OR1A1: variants seen among roughly 807,000 people sequenced by gnomAD.
OR1A1 encodes the protein olfactory receptor 1A1.
For synonymous variants in OR1A1, 145 were observed against 147.8 expected, an observed-to-expected ratio of 0.98 and a Z score of 0.13; for missense variants, 391 against 379.9, an observed-to-expected ratio of 1.03 and a Z score of -0.24.
At chr17:3,209,649 C>A (rs957647792) in intron 2 of OR1A1, among the ~76,000 whole-genome samples, 1 of 152,046 alleles carries the variant, frequency 6.6e-6, no homozygotes, top group Non-Finnish European at 1.5e-5. Flanking sequence ...TGGCACACAC[C>A]TGTAGTCCCA....
rs1597294320 is a variant in OR1A1, at chr17:3,217,482, C to T, written c.*932C>T. 1 of 152,180 alleles carries T rather than the reference C, an allele frequency of 6.6e-6. No individual in the cohort carries two copies. Among genetic ancestry groups the T allele is most frequent in the East Asian group, 1.9e-4 (1 of 5,178 alleles). 9.4% of individuals were successfully genotyped at this position (152,180 alleles called of 1,614,324 possible). ...CCCGTATATCCAAGACAATCATAAG[C>T]AAAAAGAACAAAGCTACAGGCATCA... On this transcript the variant is annotated 3_prime_UTR_variant, in exon 4 of 4. Transcript: ENST00000641732.
At chr17:3,211,604 G>C (rs1162142179) in intron 2 of OR1A1, among the ~76,000 whole-genome samples, 1 of 152,132 alleles carries the variant, frequency 6.6e-6, no homozygotes, top group African/African-American at 2.4e-5. Context: ...CCAAAGTGCT[G>C]GGATTACAGA....
rs1272659209 is a variant in OR1A1, at chr17:3,207,707, C to T, written c.-850C>T. 1 of 152,280 alleles carries T rather than the reference C, an allele frequency of 6.6e-6. No individual in the cohort carries two copies. Among genetic ancestry groups the T allele is most frequent in the Non-Finnish European group, 1.5e-5 (1 of 68,082 alleles). The allele number at this position is 152,280 out of a possible 1,614,324, so 9.4% of individuals were successfully genotyped here. ...CTCCCCTGTTGGGAAACTGGGGACT[C>T]CTCCTTCTAAACCATCCCATTCCTG... On this transcript the variant is annotated 5_prime_UTR_variant, in exon 1 of 4. Coordinates refer to ENST00000641732, the MANE Select transcript of OR1A1 (RefSeq NM_014565.3).
chr17:3,209,906 C>T (rs1415022243), intron 2 of OR1A1, among the ~76,000 whole-genome samples: 1 of 150,154 alleles, frequency 6.7e-6, no homozygotes, highest in Non-Finnish European at 1.5e-5. Flanking sequence ...ACACTTTTAC[C>T]ACATACAAAC....
rs745384652 is a variant in OR1A1 at position 3,216,203 on chromosome 17, C to A, written c.583C>A (p.His195Asn). The A allele has an allele frequency of 2.5e-6, 4 of 1,614,160 alleles. No homozygotes were observed. Among genetic ancestry groups the A allele is most frequent in the Non-Finnish European group, 3.4e-6 (4 of 1,180,030 alleles). ...LKLSCSDIHF[H>N]VKMMYLGVGI... ...GTTATCCTGTTCTGACATCCACTTT[C>A]ATGTGAAGATGATGTACCTAGGGGT... The change falls in exon 4 of 4, where the codon CAT (histidine) becomes AAT (asparagine). Residue 195 changes from histidine (H) to asparagine (N), a missense_variant. By Grantham distance (68) the His-to-Asn change is moderately conservative. Coordinates refer to ENST00000641732, the MANE Select transcript of OR1A1 (RefSeq NM_014565.3).
intron 2 of OR1A1, among the ~76,000 whole-genome samples, chr17:3,210,045 G>T (rs972493572): frequency 6.8e-5 from 10 of 147,276 alleles, no homozygotes. Context: ...TTTAACTATT[G>T]CATAGGATTC....
chr17:3,208,164 GATAGAGATATAT>G (rs1352983814), intron 1 of OR1A1, among the ~76,000 whole-genome samples, 164 bp downstream of exon 1: 3 of 138,884 alleles, frequency 2.2e-5, no homozygotes, highest in African/African-American at 7.5e-5. Flanking sequence ...TAGAGATAGA[GATAGAGATATAT>G]ATATAGAGAG....
Position 3,216,082 on chromosome 17 carries a change from C to G in OR1A1, c.462C>G (p.Ala154=), listed in dbSNP as rs764783487. 1.9e-6 allele frequency: 3 copies of G among 1,614,130 alleles called. No homozygotes were observed. The highest frequency in any genetic ancestry group is 2.5e-6 in the Non-Finnish European group (3 of 1,180,004). ...LIAGSWVIGN[A]NALPHTLLTA... ...CTGGGTCTTGGGTGATTGGAAATGC[C>G]AATGCCCTCCCCCACACTCTGCTCA... The change falls in exon 4 of 4, where the codon GCC becomes GCG. Residue 154 remains alanine (A), a synonymous_variant. Transcript: ENST00000641732.
chr17:3,212,174 G>GT (rs985052966), intron 2 of OR1A1, among the ~76,000 whole-genome samples: 4 of 152,096 alleles, frequency 2.6e-5, no homozygotes, highest in Non-Finnish European at 5.9e-5. Flanking sequence ...CACTTCAAGG[G>GT]TTTTTTAACA....
At chr17:3,213,058 G>A (rs1567524933) in intron 3 of OR1A1, 2 of 152,366 alleles carry the variant, frequency 1.3e-5, no homozygotes, top group Non-Finnish European at 2.9e-5. Flanking sequence ...TATGCAGGTA[G>A]GTTCTCCGTC....
chr17:3,208,182 G>T (rs56786454), intron 1 of OR1A1, among the ~76,000 whole-genome samples, 182 bp downstream of exon 1: 22,974 of 148,914 alleles, frequency 0.15, 1,757 homozygotes, highest in African/African-American at 0.16. Flanking sequence ...TATATATATA[G>T]AGAGAGAGAG....
At chr17:3,209,239 G>A (rs1248458652) in intron 2 of OR1A1, among the ~76,000 whole-genome samples, 1 of 151,722 alleles carries the variant, frequency 6.6e-6, no homozygotes, top group Non-Finnish European at 1.5e-5. Flanking sequence ...TTATGCCTTT[G>A]CATCCTCATA....
chr17:3,211,501 A>G (rs1299944945), intron 2 of OR1A1, among the ~76,000 whole-genome samples: 1 of 151,956 alleles, frequency 6.6e-6, no homozygotes. Context: ...ACGCCCAGCT[A>G]ATTTTTGTAT....
chr17:3,208,211 AGG>A (rs1424435238), intron 1 of OR1A1, among the ~76,000 whole-genome samples: 8 of 151,920 alleles, frequency 5.3e-5, no homozygotes. Context: ...GAGGAGGAGG[AGG>A]AGGACCCTCC....
At chr17:3,215,454 C>G (rs1341486778) in intron 3 of OR1A1, among the ~76,000 whole-genome samples, 162 bp from the exon 4 acceptor site, 2 of 152,130 alleles carry the variant, frequency 1.3e-5, no homozygotes, top group African/African-American at 2.4e-5. Context: ...TCCTATTGAC[C>G]TACAGGGATG....
chr17:3,210,593 C>CT (rs1174602077), intron 2 of OR1A1, among the ~76,000 whole-genome samples: 2 of 151,948 alleles, frequency 1.3e-5, no homozygotes, highest in Admixed American at 1.3e-4. Context: ...ATTGCTGGTC[C>CT]TTTTTTTGTT....
intron 3 of OR1A1, chr17:3,214,034 A>G (rs2048454985): frequency 6.6e-6 from 1 of 152,216 alleles, no homozygotes; most frequent in Admixed American, 6.5e-5. Flanking sequence ...TTTAGTAGAA[A>G]GGCTGAATTA....
intron 3 of OR1A1, chr17:3,215,245 T>G (rs111228488): frequency 2.6e-5 from 5 of 191,968 alleles, no homozygotes; most frequent in African/African-American, 1.2e-4. Flanking sequence ...AATAGATGAA[T>G]AAACTGTATT....
rs376198426 is a variant in OR1A1, at chr17:3,215,727, C to A, written c.107C>A (p.Pro36His). 1 of 1,613,980 alleles carries A rather than the reference C, an allele frequency of 6.2e-7. No individual in the cohort carries two copies. Among genetic ancestry groups the A allele is most frequent in the Non-Finnish European group, 8.5e-7 (1 of 1,179,986 alleles). The change falls in exon 4 of 4, where the codon CCC becomes CAC. Residue 36 changes from proline (P) to histidine (H), a missense_variant. By Grantham distance (77) the Pro-to-His change is moderately conservative. Transcript: ENST00000641732. ...FFYILFLFIY[P>H]ITLIGNLLIV... is the part of the protein sequence containing the mutation. Reference sequence around the variant, plus strand: ...TACATCCTCTTCTTGTTCATTTACCCCATCACATTGATTGGAAACCTGCTC... The same window carrying A: ...TACATCCTCTTCTTGTTCATTTACCACATCACATTGATTGGAAACCTGCTC...
Sources: allele counts gnomAD v4.1 joint callset (sites outside exome capture counted in the v4.1 genomes callset), GRCh38; gene constraint gnomAD v4.1.1; transcripts MANE v1.5; gene names NCBI Gene and HGNC (gene_info 2026-07-23, HGNC 2026-07-21).